WDR13: variants seen among roughly 807,000 people sequenced by gnomAD.
WDR13 encodes the protein WD repeat domain 13.
Under a neutral mutation model 28.6 loss-of-function variants are expected in WDR13, and 1 was observed. That is an observed-to-expected ratio of 0.03 (90% CI 0.01 to 0.17). The LOEUF is 0.17. WDR13 is among the 10% of genes least tolerant of loss of function. The probability of loss-of-function intolerance (pLI) is 1.00; values close to 1 mark genes in which losing one functional copy is unlikely to be tolerated. For synonymous variants in WDR13, 201 were observed against 185.9 expected (o/e 1.08, Z -0.66); for missense variants, 264 against 469.3 (o/e 0.56, Z 4.04).
chrX:48,599,391 G>A lies in WDR13; in HGVS notation c.321G>A (p.Gly107=), dbSNP rs2062167064. 1.7e-6 allele frequency: 2 copies of A among 1,208,053 alleles called. No individual in the cohort carries two copies. The highest frequency in any genetic ancestry group is 1.7e-5 in the African/African-American group (1 of 57,502). The part of the protein sequence containing the change: ...EDDPRALGAR[G]HRRSVSRGSY... ...ATCCTCGGGCCCTGGGGGCCCGTGG[G>A]CACCGTCGTTCTGTCAGCAGAGGCT... Residue 107 remains glycine, a synonymous_variant, in exon 4 of 10, where the codon GGG becomes GGA. Coordinates refer to ENST00000376729, the MANE Select transcript of WDR13 (RefSeq NM_001347217.2).
In WDR13 at chrX:48,599,993, C is replaced by T; in HGVS notation, c.523+276C>T. The stretch of plus-strand genomic sequence containing the variant: ...TCAAAGCCTTTGCTGATGATAAATC[C>T]CCTTGCAGAGGGCAGAGTGGGCTAC... On this transcript the variant is annotated intron_variant, in intron 5 of 9. Transcript: ENST00000376729. 7.0e-6 allele frequency: 3 copies of T among 425,890 alleles called. No individual in the cohort carries two copies. In the South Asian group the frequency reaches 1.3e-4, roughly 18 times the overall value. The allele number at this position is 425,890 out of a possible 1,213,427, so 35.1% of individuals were successfully genotyped here.
chrX:48,600,104 T>A (rs1279303768), intron 5 of WDR13: 3 of 431,577 alleles, frequency 7.0e-6, no homozygotes, highest in Non-Finnish European at 1.2e-5. Context: ...AGAAGACTTT[T>A]GCAATCTGCA....
At chrX:48,598,456 CCAGTCACCCCG>C in intron 2 of WDR13, 34 of 1,026,707 alleles carry the variant, frequency 3.3e-5, no homozygotes, top group Non-Finnish European at 4.2e-5. Context: ...CTGCGCTGAC[CCAGTCACCCCG>C]TAGGGACCCC....
intron 7 of WDR13, 41 bp downstream of exon 7, chrX:48,602,005 A>G: frequency 8.4e-7 from 1 of 1,195,551 alleles, no homozygotes; most frequent in Non-Finnish European, 1.1e-6. Context: ...CTCGCCCTCC[A>G]GCCCTCCCAG....
At position 48,605,334 on chromosome X, in the gene WDR13, C is replaced by T. The variant is rs782627681; in HGVS notation, c.*302C>T. On this transcript the variant is annotated 3_prime_UTR_variant, in exon 10 of 10. Transcript: ENST00000376729. Reference sequence around the variant, plus strand: ...TCGATAGACATTAGTGAGCCCTGACCGTGTGCCAGGAACTGTTCTAGGCAC... The same window carrying T: ...TCGATAGACATTAGTGAGCCCTGACTGTGTGCCAGGAACTGTTCTAGGCAC... The T allele has an allele frequency of 7.3e-5, 22 of 302,238 alleles. No homozygotes were observed. The highest frequency in any genetic ancestry group is 2.6e-4 in the African/African-American group (10 of 38,078). The allele number at this position is 302,238 out of a possible 1,213,427, so 24.9% of individuals were successfully genotyped here.
At position 48,604,966 on chromosome X, in the gene WDR13, C is replaced by T. The variant is rs1370804923; in HGVS notation, c.1392C>T (p.Asp464=). The T allele has an allele frequency of 1.5e-5, 18 of 1,210,047 alleles. No individual in the cohort carries two copies. Among genetic ancestry groups the T allele is most frequent in the Non-Finnish European group, 1.8e-5 (16 of 894,929 alleles). ...TGCTTGATGTCAGCTTCAACTGCGA[C>T]GAGAGCCTACTGGCCTCCAGTGACG... The part of the protein sequence containing the change: ...APVLDVSFNC[D]ESLLASSDAS... The change falls in exon 10 of 10, where the codon GAC becomes GAT. Residue 464 remains aspartate, a synonymous_variant. Transcript: ENST00000376729.
intron 8 of WDR13, among the ~76,000 whole-genome samples, chrX:48,603,173 C>T (rs1389206613): frequency 1.8e-5 from 2 of 111,803 alleles, no homozygotes; most frequent in African/African-American, 6.5e-5. Context: ...CCACCATGCT[C>T]GGCCAACCTT....
At position 48,600,829 on chromosome X, in the gene WDR13, C is replaced by T. The variant is rs1399010801; in HGVS notation, c.831+203C>T. On this transcript the variant is annotated intron_variant, in intron 6 of 9. Coordinates refer to ENST00000376729, the MANE Select transcript of WDR13 (RefSeq NM_001347217.2). Reference sequence around the variant, plus strand: ...GACGGGAGTGGGCCAGGCGCAGTGGCTCACGCCTGTAATCCCAGCACTTTG... The same window carrying T: ...GACGGGAGTGGGCCAGGCGCAGTGGTTCACGCCTGTAATCCCAGCACTTTG... 6.6e-6 allele frequency: 3 copies of T among 452,976 alleles called. No homozygotes were observed. The African/African-American group carries it at 7.6e-5, about 11-fold the overall frequency. 37.3% of individuals were successfully genotyped at this position (452,976 alleles called of 1,213,427 possible). A position where few individuals can be genotyped will look rare whatever the true frequency, so the allele number is the denominator to read the frequency against.
At position 48,601,939 on chromosome X, in the gene WDR13, C is replaced by T. The variant is rs782403844; in HGVS notation, c.987C>T (p.Phe329=). The T allele has an allele frequency of 5.0e-6, 6 of 1,193,236 alleles. No individual in the cohort carries two copies. The East Asian group carries it at 8.9e-5, about 18-fold the overall frequency. The change falls in exon 7 of 10, where the codon TTC becomes TTT. Residue 329 remains phenylalanine, a synonymous_variant. Transcript: ENST00000376729. ...LWAGDDRGSV[F]SFLFDMATGK... is the part of the protein sequence containing the mutation. Reference sequence around the variant, plus strand: ...CGGGTGATGACCGTGGCAGTGTCTTCTCTTTCCTCTTTGATATGGCCACAG... The same window carrying T: ...CGGGTGATGACCGTGGCAGTGTCTTTTCTTTCCTCTTTGATATGGCCACAG...
chrX:48,602,035 C>T (rs1249503224), intron 7 of WDR13, 30 bp from the exon 8 acceptor site: 3 of 1,205,406 alleles, frequency 2.5e-6, no homozygotes, highest in Non-Finnish European at 3.4e-6. Flanking sequence ...CTCACCCTCA[C>T]CTTTGCCTTC....
At chrX:48,604,010 C>T (rs371763372) in intron 8 of WDR13, among the ~76,000 whole-genome samples, 9 of 110,614 alleles carry the variant, frequency 8.1e-5, no homozygotes, top group African/African-American at 2.6e-4. Context: ...TGGTGTGTGC[C>T]TATAGGTAGT....
intron 8 of WDR13, among the ~76,000 whole-genome samples, chrX:48,603,661 G>T (rs1390418308): frequency 1.8e-5 from 2 of 109,807 alleles, no homozygotes; most frequent in African/African-American, 6.6e-5. Context: ...AAAAAAGAAA[G>T]AAAAAAGAAA....
At position 48,597,993 on chromosome X, in the gene WDR13, G is replaced by C; in HGVS notation, c.-4G>C. ...GCGGACACGCCAGAGGAGGAGGCCGGGGAATGGCCGCGGTGTGGCAGCAAG... is the reference window on the plus strand; with the variant it reads ...GCGGACACGCCAGAGGAGGAGGCCGCGGAATGGCCGCGGTGTGGCAGCAAG... On this transcript the variant is annotated 5_prime_UTR_variant, in exon 2 of 10. Transcript: ENST00000376729. 8.6e-7 allele frequency: 1 copy of C among 1,166,162 alleles called. No homozygotes were observed. The highest frequency in any genetic ancestry group is 3.3e-5 in the East Asian group (1 of 30,573).
At chrX:48,604,151 A>T in intron 8 of WDR13, 121 bp from the exon 9 acceptor site, 1 of 600,130 alleles carries the variant, frequency 1.7e-6, no homozygotes. Flanking sequence ...AAACAAAAAA[A>T]AAAATATGGG....
At chrX:48,602,674 C>G (rs1233983506) in intron 8 of WDR13, among the ~76,000 whole-genome samples, 1 of 108,952 alleles carries the variant, frequency 9.2e-6, no homozygotes, top group Non-Finnish European at 1.9e-5. Context: ...GTCTGGGCCC[C>G]TCTACAGGCC....
intron 2 of WDR13, chrX:48,598,506 T>C: frequency 9.5e-7 from 1 of 1,050,815 alleles, no homozygotes; most frequent in Admixed American, 4.5e-5. Flanking sequence ...CTCTGTTGTC[T>C]GCAAACTGAC....
Position 48,598,890 on chromosome X carries a change from C to A in WDR13, c.215C>A (p.Pro72Gln). The A allele has an allele frequency of 1.2e-5, 15 of 1,210,473 alleles. No individual in the cohort carries two copies. Among genetic ancestry groups the A allele is most frequent in the Non-Finnish European group, 1.6e-5 (14 of 895,153 alleles). ...LGQRYGPLSE[P>Q]GSARAYSNSI... is the part of the protein sequence containing the mutation. ...CAGCGCTACGGGCCCCTCTCCGAGCCAGGCAGTGCTCGTGCCTATAGCAAC... is the reference window on the plus strand; with the variant it reads ...CAGCGCTACGGGCCCCTCTCCGAGCAAGGCAGTGCTCGTGCCTATAGCAAC... Residue 72 changes from proline (P) to glutamine (Q), a missense_variant, in exon 3 of 10, where the codon CCA (proline) becomes CAA (glutamine). By Grantham distance (76) the Pro-to-Gln change is moderately conservative. Around this residue, in one of 4 missense-constraint regions of WDR13, gnomAD observed 74 missense variants for 89.3 expected, o/e 0.83. Transcript: ENST00000376729.
In WDR13 at chrX:48,606,943, C is replaced by T. The variant is rs181275425; in HGVS notation, c.*1911C>T. ...TTACTTGCACCCCAAGCATTTCTAA[C>T]TGGCACTTCCATCTAATAGACCTCA... On this transcript the variant is annotated 3_prime_UTR_variant, in exon 10 of 10. Transcript: ENST00000376729. The T allele has an allele frequency of 9.0e-6, 1 of 111,539 alleles. No individual in the cohort carries two copies. The highest frequency in any genetic ancestry group is 1.9e-5 in the Non-Finnish European group (1 of 53,160). The allele number at this position is 111,539 out of a possible 1,213,427, so 9.2% of individuals were successfully genotyped here. A position where few individuals can be genotyped will look rare whatever the true frequency, so the allele number is the denominator to read the frequency against.
Position 48,605,247 on chromosome X carries a change from G to A in WDR13, c.*215G>A. On this transcript the variant is annotated 3_prime_UTR_variant, in exon 10 of 10. Coordinates refer to ENST00000376729, the MANE Select transcript of WDR13 (RefSeq NM_001347217.2). ...ATCGACGGATTCATTCATTCCACAA[G>A]CATTGATTGAATGTCTGCTGGGTTA... 2 of 437,527 alleles carry A rather than the reference G, an allele frequency of 4.6e-6. No homozygotes were observed. The highest frequency in any genetic ancestry group is 3.9e-6 in the Non-Finnish European group (1 of 256,159). 36.1% of individuals were successfully genotyped at this position (437,527 alleles called of 1,213,427 possible). A position where few individuals can be genotyped will look rare whatever the true frequency, so the allele number is the denominator to read the frequency against.
Sources: allele counts gnomAD v4.1 joint callset (sites outside exome capture counted in the v4.1 genomes callset), GRCh38; gene constraint gnomAD v4.1.1; regional missense constraint gnomAD v4.1.1; transcripts MANE v1.5; gene names NCBI Gene and HGNC (gene_info 2026-07-23, HGNC 2026-07-21).